The following KNOP1 variants were observed in gnomAD, a reference collection of about 807,000 sequenced individuals.
KNOP1 encodes lysine rich nucleolar protein 1, also known as lysine-rich nucleolar protein 1.
A neutral mutation model predicts 30.6 loss-of-function variants in KNOP1; 20 were observed. The ratio of observed to expected loss-of-function variants is 0.65; its 90% CI spans 0.46 to 0.95. The LOEUF (loss-of-function observed/expected upper bound fraction) is 0.95, where lower values mean the gene tolerates loss of function less well. Among genes scored for constraint, KNOP1 ranks in the 40% least tolerant of loss-of-function variants. The probability of loss-of-function intolerance (pLI) is 0.00; values close to 1 mark genes in which losing one functional copy is unlikely to be tolerated. For missense variants in KNOP1, 540 were observed against 562.0 expected, an observed-to-expected ratio of 0.96 and a Z score of 0.40; for synonymous variants, 204 against 210.0, an observed-to-expected ratio of 0.97 and a Z score of 0.25.
rs371363234 is a variant in KNOP1 at position 19,705,277 on chromosome 16, C to A, written c.*1633G>T. 4.4e-6 allele frequency: 2 copies of A among 455,984 alleles called. No homozygotes were observed. The highest frequency in any genetic ancestry group is 6.9e-5 in the East Asian group (1 of 14,390). 28.2% of individuals were successfully genotyped at this position (455,984 alleles called of 1,614,324 possible). ...AGACTGAACTTTCTGGCCATCGAGGCCTGCCTGGGCTGGGATGTCTGTAGG... is the reference window on the plus strand; with the variant it reads ...AGACTGAACTTTCTGGCCATCGAGGACTGCCTGGGCTGGGATGTCTGTAGG... On this transcript the variant is annotated 3_prime_UTR_variant, in exon 5 of 5. Coordinates refer to ENST00000219837, the MANE Select transcript of KNOP1 (RefSeq NM_001012991.3).
chr16:19,717,700 G>C (rs755857322), intron 1 of KNOP1: 2 of 987,472 alleles, frequency 2.0e-6, no homozygotes, highest in Non-Finnish European at 2.4e-6. Flanking sequence ...TCCAGGGACA[G>C]CCTTGTGAAG....
intron 1 of KNOP1, among the ~76,000 whole-genome samples, chr16:19,716,185 G>A (rs1419879465): frequency 1.3e-5 from 2 of 152,124 alleles, no homozygotes; most frequent in East Asian, 1.9e-4. Flanking sequence ...CTGTTTCCTG[G>A]TTTATTTCCA....
rs1567519110 is a variant in KNOP1 at position 19,714,487 on chromosome 16, AGT to A, written c.547_548del (p.Thr183LeufsTer8). The A allele has an allele frequency of 1.9e-6, 3 of 1,613,834 alleles. No homozygotes were observed. The highest frequency in any genetic ancestry group is 2.5e-6 in the Non-Finnish European group (3 of 1,179,986). ...EAREARDVGD[T>X]CSVGKKDEEQ... ...CCTCATCCTTCTTCCCCACTGAGCAAGTGTCCCCAACATCCCTGGCCTCCCTG... is the reference window on the plus strand; with the variant it reads ...CCTCATCCTTCTTCCCCACTGAGCAAGTCCCCAACATCCCTGGCCTCCCTG... On this transcript the variant is annotated frameshift_variant, in exon 2 of 5. Transcript: ENST00000219837. LOFTEE classifies it high-confidence loss of function.
chr16:19,711,659 C>T (rs530145202), intron 2 of KNOP1: 10 of 567,750 alleles, frequency 1.8e-5, no homozygotes, highest in African/African-American at 1.3e-4. Flanking sequence ...AACTATTTGA[C>T]GGATGAAGAA....
chr16:19,716,837 C>T (rs1305091818), intron 1 of KNOP1, among the ~76,000 whole-genome samples: 1 of 152,180 alleles, frequency 6.6e-6, no homozygotes, highest in Non-Finnish European at 1.5e-5. Context: ...TGTTGGTAAT[C>T]GTTTACTGCA....
rs1054579440 is a variant in KNOP1, at chr16:19,706,497, C to G, written c.*413G>C. 2 of 182,954 alleles carry G rather than the reference C, an allele frequency of 1.1e-5. No homozygotes were observed. The allele number at this position is 182,954 out of a possible 1,614,324, so 11.3% of individuals were successfully genotyped here. ...GGAAAACACTAGTATGTCCCTAGTA[C>G]CTGCTAAACACTCAACAAAAGTTAA... On this transcript the variant is annotated 3_prime_UTR_variant, in exon 5 of 5. Coordinates refer to ENST00000219837, the MANE Select transcript of KNOP1 (RefSeq NM_001012991.3).
In KNOP1 at chr16:19,718,199, C is replaced by G. The variant is rs1294282724; in HGVS notation, c.-44G>C. On this transcript the variant is annotated 5_prime_UTR_variant, in exon 1 of 5. Coordinates refer to ENST00000219837, the MANE Select transcript of KNOP1 (RefSeq NM_001012991.3). Reference sequence around the variant, plus strand: ...CCCGCCTCCACGTGAGAGCCAGCTCCGCCGTGACCCGGAAGTCCACTTCGA... The same window carrying G: ...CCCGCCTCCACGTGAGAGCCAGCTCGGCCGTGACCCGGAAGTCCACTTCGA... 6.6e-7 allele frequency: 1 copy of G among 1,512,636 alleles called. No individual in the cohort carries two copies. 93.7% of individuals were successfully genotyped at this position (1,512,636 alleles called of 1,614,324 possible).
At position 19,718,198 on chromosome 16, in the gene KNOP1, C is replaced by T; in HGVS notation, c.-43G>A. ...CCCCGCCTCCACGTGAGAGCCAGCT[C>T]CGCCGTGACCCGGAAGTCCACTTCG... On this transcript the variant is annotated 5_prime_UTR_variant, in exon 1 of 5. Coordinates refer to ENST00000219837, the MANE Select transcript of KNOP1 (RefSeq NM_001012991.3). The T allele has an allele frequency of 6.6e-6, 10 of 1,511,796 alleles. No homozygotes were observed. The highest frequency in any genetic ancestry group is 8.8e-6 in the Non-Finnish European group (10 of 1,134,152). The allele number at this position is 1,511,796 out of a possible 1,614,324, so 93.6% of individuals were successfully genotyped here. A position where few individuals can be genotyped will look rare whatever the true frequency, so the allele number is the denominator to read the frequency against.
rs769245565 is a variant in KNOP1 at position 19,714,328 on chromosome 16, C to G, written c.708G>C (p.Glu236Asp). Residue 236 changes from glutamate to aspartate, a missense_variant, in exon 2 of 5, where the codon GAG becomes GAC. Glu to Asp is a conservative substitution (Grantham distance 45). Transcript: ENST00000219837. Reference protein sequence around the residue: ...PGHSKPSRSMESSPRKGSKKK... With the variant: ...PGHSKPSRSMDSSPRKGSKKK... ...TTTTACTTCCTTTCCTAGGGCTGCTCTCCATGGACCTGGAGGGCTTGGAGT... is the reference window on the plus strand; with the variant it reads ...TTTTACTTCCTTTCCTAGGGCTGCTGTCCATGGACCTGGAGGGCTTGGAGT... 25 of 1,613,922 alleles carry G rather than the reference C, an allele frequency of 1.5e-5. No individual in the cohort carries two copies. Among genetic ancestry groups the G allele is most frequent in the Non-Finnish European group, 2.1e-5 (25 of 1,179,990 alleles).
rs116999058 is a variant in KNOP1, at chr16:19,705,112, C to T, written c.*1798G>A. 2.2e-6 allele frequency: 1 copy of T among 455,136 alleles called. No individual in the cohort carries two copies. Among genetic ancestry groups the T allele is most frequent in the East Asian group, 7.0e-5 (1 of 14,374 alleles). The allele number at this position is 455,136 out of a possible 1,614,324, so 28.2% of individuals were successfully genotyped here. On this transcript the variant is annotated 3_prime_UTR_variant, in exon 5 of 5. Transcript: ENST00000219837. ...AAGGCTTTTCTTCCTCTGGAATGTTCTAGGGTCTTGATATGCTGCCTGGAA... is the reference window on the plus strand; with the variant it reads ...AAGGCTTTTCTTCCTCTGGAATGTTTTAGGGTCTTGATATGCTGCCTGGAA...
At position 19,706,901 on chromosome 16, in the gene KNOP1, C is replaced by T. The variant is rs1211076263; in HGVS notation, c.*9G>A. 4 of 1,610,806 alleles carry T rather than the reference C, an allele frequency of 2.5e-6. No individual in the cohort carries two copies. The highest frequency in any genetic ancestry group is 2.7e-5 in the African/African-American group (2 of 74,930). ...TTGTGGCAGTTTTGGGGGGACAAAACTCTAGAGTTTAATCTTCCAGCTTGA... is the reference window on the plus strand; with the variant it reads ...TTGTGGCAGTTTTGGGGGGACAAAATTCTAGAGTTTAATCTTCCAGCTTGA... On this transcript the variant is annotated 3_prime_UTR_variant, in exon 5 of 5. Coordinates refer to ENST00000219837, the MANE Select transcript of KNOP1 (RefSeq NM_001012991.3).
In KNOP1 at chr16:19,714,379, G is replaced by A. The variant is rs757418719; in HGVS notation, c.657C>T (p.His219=). The A allele has an allele frequency of 9.3e-6, 15 of 1,613,988 alleles. No individual in the cohort carries two copies. The Admixed American group carries it at 1.7e-4, about 18-fold the overall frequency. The change falls in exon 2 of 5, where the codon CAC becomes CAT. Residue 219 remains histidine (H), a synonymous_variant. Transcript: ENST00000219837. ...GGCCTGGGAGGGCATCTCCCTCCTG[G>A]TGGATTTTTTTTTTCTTCTTCACCT... is the stretch of plus-strand genomic sequence containing the variant. ...NGKVKKKKKI[H]QEGDALPGHS...
chr16:19,712,776 A>T (rs1473634673), intron 2 of KNOP1, among the ~76,000 whole-genome samples: 1 of 152,222 alleles, frequency 6.6e-6, no homozygotes, highest in Non-Finnish European at 1.5e-5. Flanking sequence ...ACACACCCTG[A>T]AACAAGACAC....
intron 3 of KNOP1, 65 bp from the exon 4 acceptor site, chr16:19,710,651 G>C (rs1251621408): frequency 1.5e-6 from 2 of 1,349,480 alleles, no homozygotes; most frequent in Non-Finnish European, 2.1e-6. Flanking sequence ...TTAAAACCCA[G>C]GACAGAGACG....
chr16:19,714,282 C>T lies in KNOP1; in HGVS notation c.754G>A (p.Ala252Thr). 1.9e-6 allele frequency: 3 copies of T among 1,614,166 alleles called. No homozygotes were observed. The highest frequency in any genetic ancestry group is 2.5e-6 in the Non-Finnish European group (3 of 1,180,024). ...GSKKKPVKVE[A>T]PEYIPISDDP... ...TCACTTATGGGGATGTATTCCGGAGCCTCAACTTTGACTGGCTTCTTTTTA... is the reference window on the plus strand; with the variant it reads ...TCACTTATGGGGATGTATTCCGGAGTCTCAACTTTGACTGGCTTCTTTTTA... Residue 252 changes from alanine to threonine, a missense_variant, in exon 2 of 5, where the codon GCT becomes ACT. Physicochemically the swap from Ala to Thr is moderately conservative, Grantham distance 58 (BLOSUM62 0). Coordinates refer to ENST00000219837, the MANE Select transcript of KNOP1 (RefSeq NM_001012991.3).
chr16:19,708,151 G>T (rs1432955993), intron 4 of KNOP1, among the ~76,000 whole-genome samples: 1 of 151,518 alleles, frequency 6.6e-6, no homozygotes, highest in Non-Finnish European at 1.5e-5. Flanking sequence ...GTGGGAATCT[G>T]AAGTGTGCTT....
Position 19,706,080 on chromosome 16 carries a change from TCACATGTGTTTGGTAACAACTCAGA to T in KNOP1, c.*805_*829del, listed in dbSNP as rs2151640134. The T allele has an allele frequency of 6.6e-6, 1 of 152,080 alleles. No individual in the cohort carries two copies. Among genetic ancestry groups the T allele is most frequent in the Non-Finnish European group, 1.5e-5 (1 of 68,076 alleles). The allele number at this position is 152,080 out of a possible 1,614,324, so 9.4% of individuals were successfully genotyped here. A position where few individuals can be genotyped will look rare whatever the true frequency, so the allele number is the denominator to read the frequency against. ...ACATTTCCCAGCAGCAGCAGCTCAG[TCACATGTGTTTGGTAACAACTCAGA>T]CACCTCTCTGCCTACAGCTGCTCTA... On this transcript the variant is annotated 3_prime_UTR_variant, in exon 5 of 5. Coordinates refer to ENST00000219837, the MANE Select transcript of KNOP1 (RefSeq NM_001012991.3).
Position 19,705,176 on chromosome 16 carries a change from A to G in KNOP1, c.*1734T>C, listed in dbSNP as rs555242488. ...CTTTGTACTAGCCTTGATGAAGCCA[A>G]CACTGGAGATGATGGAGAGAATGCT... On this transcript the variant is annotated 3_prime_UTR_variant, in exon 5 of 5. Coordinates refer to ENST00000219837, the MANE Select transcript of KNOP1 (RefSeq NM_001012991.3). 9.2e-5 allele frequency: 42 copies of G among 456,062 alleles called. No homozygotes were observed. Among genetic ancestry groups the G allele is most frequent in the Admixed American group, 4.5e-4 (19 of 42,574 alleles). The allele number at this position is 456,062 out of a possible 1,614,324, so 28.3% of individuals were successfully genotyped here. A position where few individuals can be genotyped will look rare whatever the true frequency, so the allele number is the denominator to read the frequency against.
At position 19,705,080 on chromosome 16, in the gene KNOP1, A is replaced by G. The variant is rs1193838962; in HGVS notation, c.*1830T>C. The G allele has an allele frequency of 2.3e-6, 1 of 437,736 alleles. No individual in the cohort carries two copies. Among genetic ancestry groups the G allele is most frequent in the Admixed American group, 2.4e-5 (1 of 40,934 alleles). 27.1% of individuals were successfully genotyped at this position (437,736 alleles called of 1,614,324 possible). A position where few individuals can be genotyped will look rare whatever the true frequency, so the allele number is the denominator to read the frequency against. On this transcript the variant is annotated 3_prime_UTR_variant, in exon 5 of 5. Transcript: ENST00000219837. ...GGAGGCTTCTGGAAGTTTCCTTGAG[A>G]CACAAAAAGGCTTTTCTTCCTCTGG...
Sources: allele counts gnomAD v4.1 joint callset (sites outside exome capture counted in the v4.1 genomes callset), GRCh38; gene constraint gnomAD v4.1.1; transcripts MANE v1.5; gene names NCBI Gene and HGNC (gene_info 2026-07-23, HGNC 2026-07-21).